Variants in NTM observed in about 807,000 individuals in gnomAD.
The protein encoded by NTM is IgLON family member 2.
NTM carries 13 observed loss-of-function variants against 42.1 expected under a neutral mutation model. That is an observed-to-expected ratio of 0.31 (90% CI 0.20 to 0.49). The LOEUF (loss-of-function observed/expected upper bound fraction) is 0.49, where lower values mean the gene tolerates loss of function less well. Ranked by LOEUF, NTM falls within the 20% of genes least tolerant of loss-of-function variation. The pLI is 0.99. For synonymous variants in NTM, 187 were observed against 179.2 expected (o/e 1.04, Z -0.35); for missense variants, 373 against 452.8 (o/e 0.82, Z 1.60).
chr11:131,878,137 T>A (rs559413917), intron 1 of NTM: 1 of 151,944 alleles, frequency 6.6e-6, no homozygotes, highest in East Asian at 1.9e-4. Context: ...GAGAAGGGGG[T>A]TGTGCCTAGA....
intron 1 of NTM, among the ~76,000 whole-genome samples, chr11:131,801,248 G>A (rs910697308): frequency 6.6e-5 from 10 of 152,162 alleles, no homozygotes; most frequent in Non-Finnish European, 1.5e-4. Flanking sequence ...GCAGATATGG[G>A]TAGAATGCTA....
At chr11:131,845,790 C>G (rs886067413) in intron 1 of NTM, among the ~76,000 whole-genome samples, 16 of 151,472 alleles carry the variant, frequency 1.1e-4, no homozygotes, top group African/African-American at 3.9e-4. Flanking sequence ...CAAAAATATA[C>G]CTTTGAACTT....
At chr11:132,023,777 GTTGTTGGTGGTT>G (rs1192401875) in intron 2 of NTM, among the ~76,000 whole-genome samples, 13 of 95,566 alleles carry the variant, frequency 1.4e-4, no homozygotes, top group South Asian at 3.4e-4. Context: ...TGGTTTTGTT[GTTGTTGGTGGTT>G]TTGTTGTTGG....
chr11:131,607,853 G>A (rs986920731), intron 1 of NTM, among the ~76,000 whole-genome samples: 8 of 151,552 alleles, frequency 5.3e-5, no homozygotes, highest in East Asian at 3.9e-4. Context: ...AACCTTGTAC[G>A]CACGGTTTGA....
chr11:131,504,208 A>G (rs1280077955), intron 1 of NTM, among the ~76,000 whole-genome samples: 1 of 151,540 alleles, frequency 6.6e-6, no homozygotes, highest in African/African-American at 2.4e-5. Flanking sequence ...CACCCTTCCT[A>G]TCTCTGTCTC....
intron 1 of NTM, among the ~76,000 whole-genome samples, chr11:131,780,649 G>T (rs1220941991): frequency 2.0e-5 from 3 of 152,102 alleles, no homozygotes; most frequent in African/African-American, 7.2e-5. Flanking sequence ...CTATACTCAA[G>T]ATTTCCATGG....
At chr11:132,046,184 T>A (rs1004926401) in intron 2 of NTM, among the ~76,000 whole-genome samples, 4 of 152,216 alleles carry the variant, frequency 2.6e-5, no homozygotes, top group African/African-American at 9.6e-5. Flanking sequence ...TAAAGTAATA[T>A]GCGTGAAGTG....
chr11:131,849,886 G>A (rs980031393), intron 1 of NTM, among the ~76,000 whole-genome samples: 1 of 151,210 alleles, frequency 6.6e-6, no homozygotes, highest in African/African-American at 2.4e-5. Context: ...ACGAGTTAAT[G>A]GGTGCAGCAC....
chr11:131,451,384 C>T (rs1950475428), intron 1 of NTM, among the ~76,000 whole-genome samples: 2 of 152,210 alleles, frequency 1.3e-5, no homozygotes, highest in Non-Finnish European at 1.5e-5. Context: ...AGCATACCAT[C>T]AGGTGCTAAT....
intron 2 of NTM, among the ~76,000 whole-genome samples, chr11:131,993,889 G>C (rs2067473701): frequency 6.6e-6 from 1 of 151,766 alleles, no homozygotes; most frequent in Admixed American, 6.6e-5. Context: ...TGTAATCCCA[G>C]CTACTCAGGA....
chr11:132,056,560 T>TG (rs1293561471), intron 2 of NTM, among the ~76,000 whole-genome samples: 2 of 152,226 alleles, frequency 1.3e-5, no homozygotes, highest in Non-Finnish European at 2.9e-5. Flanking sequence ...AATGAATACA[T>TG]GAATGAATAC....
chr11:131,707,956 T>C (rs2076751127), intron 1 of NTM, among the ~76,000 whole-genome samples: 1 of 152,062 alleles, frequency 6.6e-6, no homozygotes, highest in Non-Finnish European at 1.5e-5. Flanking sequence ...AGCATCCAAA[T>C]TGAAAAAGAA....
intron 1 of NTM, among the ~76,000 whole-genome samples, chr11:131,560,170 A>C (rs2056036194): frequency 1.3e-5 from 2 of 152,188 alleles, no homozygotes; most frequent in Admixed American, 1.3e-4. Flanking sequence ...TGGCCTTTGC[A>C]ACTCACAGAC....
chr11:131,677,046 G>A (rs908561580), intron 1 of NTM, among the ~76,000 whole-genome samples: 2 of 152,174 alleles, frequency 1.3e-5, no homozygotes, highest in African/African-American at 4.8e-5. Flanking sequence ...CTTTTCAGAT[G>A]TTGCCCAAAT....
intron 2 of NTM, among the ~76,000 whole-genome samples, chr11:132,040,417 G>C (rs890579087): frequency 6.6e-6 from 1 of 152,212 alleles, no homozygotes; most frequent in Non-Finnish European, 1.5e-5. Context: ...CATGCACCAA[G>C]AAATGGGGCA....
rs560826687 is a variant in NTM at position 132,171,276 on chromosome 11, C to T, written c.400+24762C>T. 5.9e-5 allele frequency among the ~76,000 whole-genome samples: 9 copies of T among 152,320 alleles called. No individual in the cohort carries two copies. The South Asian group carries it at 6.2e-4, about 11-fold the overall frequency. ...CTGCCGCTGATCCTTTATCTCCTGT[C>T]TTAATCTGCCCAAGCTGCTATGACA... On this transcript the variant is annotated intron_variant, in intron 3 of 8. Coordinates refer to ENST00000683400, the MANE Select transcript of NTM (RefSeq NM_001352005.2).
At chr11:131,501,864 T>A (rs1162571308) in intron 1 of NTM, among the ~76,000 whole-genome samples, 2 of 147,354 alleles carry the variant, frequency 1.4e-5, no homozygotes, top group East Asian at 4.3e-4. Context: ...AGAGAAGGTA[T>A]GTATGTGTGT....
At chr11:131,751,992 G>A (rs2135709246) in intron 1 of NTM, among the ~76,000 whole-genome samples, 1 of 152,224 alleles carries the variant, frequency 6.6e-6, no homozygotes, top group Non-Finnish European at 1.5e-5. Flanking sequence ...AGCCAACATT[G>A]ACGTAATTTT....
At chr11:132,328,304 A>G (rs777225978) in intron 7 of NTM, among the ~76,000 whole-genome samples, 2 of 152,168 alleles carry the variant, frequency 1.3e-5, no homozygotes, top group Non-Finnish European at 2.9e-5. Flanking sequence ...GAAAGGTTGA[A>G]CAACTGCTAC....
Sources: gnomAD v4.1 joint callset for allele counts (sites outside exome capture counted in the v4.1 genomes callset) on GRCh38, gnomAD v4.1.1 for gene constraint, MANE v1.5 for transcripts, NCBI Gene and HGNC (gene_info 2026-07-23, HGNC 2026-07-21) for gene names.